Variants in PTP4A1 observed in about 807,000 individuals in gnomAD.
PTP4A1 encodes protein tyrosine phosphatase type IVA 1.
In PTP4A1, 9 loss-of-function variants were observed where a neutral mutation model predicts 20.5. The observed-to-expected ratio is 0.44, with a 90% CI of 0.26 to 0.77. The LOEUF is 0.77. Ranked by LOEUF, PTP4A1 falls within the 30% of genes least tolerant of loss-of-function variation. The probability of loss-of-function intolerance (pLI) is 0.19; values close to 1 mark genes in which losing one functional copy is unlikely to be tolerated. For synonymous variants in PTP4A1, 78 were observed against 67.4 expected (o/e 1.16, Z -0.77); for missense variants, 137 against 218.8 (o/e 0.63, Z 2.36).
intron 2 of PTP4A1, chr6:63,549,035 T>C: frequency 1.4e-6 from 1 of 727,172 alleles, no homozygotes; most frequent in Admixed American, 1.9e-5. Context: ...CCACGTCGTG[T>C]GCAATCACCA....
At chr6:63,534,727 C>T (rs1189171376) in intron 2 of PTP4A1, among the ~76,000 whole-genome samples, 1 of 151,616 alleles carries the variant, frequency 6.6e-6, no homozygotes, top group East Asian at 1.9e-4. Flanking sequence ...GCAGGTGGAT[C>T]ACCTGAGGTC....
intron 2 of PTP4A1, among the ~76,000 whole-genome samples, chr6:63,538,584 T>G (rs1434912657): frequency 6.6e-6 from 1 of 152,184 alleles, no homozygotes; most frequent in Non-Finnish European, 1.5e-5. Context: ...GCATATAAAA[T>G]AGTGCAAATA....
chr6:63,546,856 AT>A (rs1166061942), intron 2 of PTP4A1, among the ~76,000 whole-genome samples: 14 of 152,362 alleles, frequency 9.2e-5, no homozygotes, highest in Non-Finnish European at 4.4e-5. Flanking sequence ...TCTCAAAAAA[AT>A]ATGTAAAGTG....
At position 63,576,829 on chromosome 6, in the gene PTP4A1, A is replaced by G. The variant is rs1253982331; in HGVS notation, c.-52A>G. On this transcript the variant is annotated 5_prime_UTR_variant, in exon 2 of 6. Coordinates refer to ENST00000626021, the MANE Select transcript of PTP4A1 (RefSeq NM_003463.5). ...GTTTCTTTGCATCATTTCTGTATTC[A>G]ATTTTTTTAATTATTTCATAACCCT... 1.4e-6 allele frequency: 2 copies of G among 1,447,304 alleles called. No individual in the cohort carries two copies. Among genetic ancestry groups the G allele is most frequent in the African/African-American group, 2.9e-5 (2 of 70,068 alleles). 89.7% of individuals were successfully genotyped at this position (1,447,304 alleles called of 1,614,324 possible). A position where few individuals can be genotyped will look rare whatever the true frequency, so the allele number is the denominator to read the frequency against.
chr6:63,538,691 C>T (rs1161992809), intron 2 of PTP4A1, among the ~76,000 whole-genome samples: 1 of 151,988 alleles, frequency 6.6e-6, no homozygotes, highest in Non-Finnish European at 1.5e-5. Flanking sequence ...TTAGTTTTTG[C>T]CTACAATAGT....
intron 3 of PTP4A1, 120 bp from the exon 4 acceptor site, chr6:63,578,778 G>A (rs1778035102): frequency 1.7e-6 from 2 of 1,167,470 alleles, no homozygotes; most frequent in Admixed American, 3.4e-5. Context: ...GGTTTAATAA[G>A]ATTTGATTAA....
chr6:63,558,979 G>A (rs1373451803), intron 3 of PTP4A1, among the ~76,000 whole-genome samples: 1 of 152,190 alleles, frequency 6.6e-6, no homozygotes, highest in Non-Finnish European at 1.5e-5. Context: ...GTTGAAGGGT[G>A]ATTAGCTTTA....
At chr6:63,532,995 A>G (rs1309602952) in intron 2 of PTP4A1, among the ~76,000 whole-genome samples, 1 of 152,200 alleles carries the variant, frequency 6.6e-6, no homozygotes. Context: ...CAGAAATATC[A>G]CCAGACACTG....
At position 63,565,754 on chromosome 6, in the gene PTP4A1, C is replaced by A. The variant is rs142937893; in HGVS notation, c.-445-10682C>A. On this transcript the variant is annotated intron_variant, in intron 3 of 3. Transcript: ENST00000639568. ...GAAATTTCTGTGTCTAAATTTCCCA[C>A]AGAAATTAGGATGTAGCTCTGCTAC... 2.9e-3 allele frequency among the ~76,000 whole-genome samples: 441 copies of A among 152,274 alleles called. 2 individuals carry two copies. The highest frequency in any genetic ancestry group is 4.3e-3 in the Non-Finnish European group (295 of 68,026).
At chr6:63,551,970 CTT>C (rs1776465582) in intron 3 of PTP4A1, among the ~76,000 whole-genome samples, 1 of 152,208 alleles carries the variant, frequency 6.6e-6, no homozygotes, top group Non-Finnish European at 1.5e-5. Flanking sequence ...GGTTCCAAGT[CTT>C]TGCTATTGTG....
chr6:63,569,186 C>T (rs111765498), upstream of PTP4A1, among the ~76,000 whole-genome samples: 72 of 152,334 alleles, frequency 4.7e-4, no homozygotes, highest in African/African-American at 1.4e-3. Context: ...TGTTCTTCTT[C>T]ATCAAGATTT....
At chr6:63,569,069 C>T (rs1019487987), upstream of PTP4A1, among the ~76,000 whole-genome samples, 8 of 152,148 alleles carry the variant, frequency 5.3e-5, no homozygotes, top group Admixed American at 5.2e-4. Flanking sequence ...CTTGTAGCCC[C>T]AACCAATCTG....
In PTP4A1 at chr6:63,576,853, C is replaced by G. The variant is rs1777896670; in HGVS notation, c.-28C>G. 3.8e-6 allele frequency: 6 copies of G among 1,560,564 alleles called. No homozygotes were observed. The highest frequency in any genetic ancestry group is 5.3e-6 in the Non-Finnish European group (6 of 1,136,998). ...CAATTTTTTTAATTATTTCATAACC[C>G]TATTGAGTGTTTTTTAACTAAATTA... is the stretch of plus-strand genomic sequence containing the variant. On this transcript the variant is annotated 5_prime_UTR_variant, in exon 2 of 6. Coordinates refer to ENST00000626021, the MANE Select transcript of PTP4A1 (RefSeq NM_003463.5).
chr6:63,534,737 C>T (rs901438994), intron 2 of PTP4A1, among the ~76,000 whole-genome samples: 2 of 119,584 alleles, frequency 1.7e-5, no homozygotes, highest in Non-Finnish European at 3.6e-5. Flanking sequence ...CACCTGAGGT[C>T]AGGAGTTCGA....
upstream of PTP4A1, chr6:63,571,061 T>C (rs566200823): frequency 6.6e-6 from 1 of 152,330 alleles, no homozygotes; most frequent in East Asian, 1.9e-4. Context: ...TGTGCTAGTT[T>C]TCCTTGATTT....
intron 3 of PTP4A1, among the ~76,000 whole-genome samples, chr6:63,552,747 A>C (rs924349613): frequency 3.0e-4 from 46 of 152,298 alleles, no homozygotes; most frequent in Non-Finnish European, 5.1e-4. Context: ...TCAGCTTTCT[A>C]CATATGGCTA....
intron 2 of PTP4A1, 112 bp from the exon 3 acceptor site, chr6:63,578,325 T>C: frequency 8.1e-7 from 1 of 1,238,076 alleles, no homozygotes. Context: ...ATTCTTTAAA[T>C]GATCTTCTGT....
intron 1 of PTP4A1, among the ~76,000 whole-genome samples, chr6:63,526,584 C>T (rs899311766): frequency 2.6e-5 from 4 of 151,572 alleles, no homozygotes; most frequent in East Asian, 3.9e-4. Flanking sequence ...CCGAGGCAGG[C>T]GGATCGCAAG....
At chr6:63,551,226 T>G (rs527357935) in intron 3 of PTP4A1, among the ~76,000 whole-genome samples, 2 of 151,938 alleles carry the variant, frequency 1.3e-5, no homozygotes, top group East Asian at 3.9e-4. Flanking sequence ...CCACCACACC[T>G]GGCTAGTTTT....
Sources: gnomAD v4.1 joint callset for allele counts (sites outside exome capture counted in the v4.1 genomes callset) on GRCh38, gnomAD v4.1.1 for gene constraint, MANE v1.5 for transcripts, NCBI Gene and HGNC (gene_info 2026-07-23, HGNC 2026-07-21) for gene names.